SCGB1C1: variants seen among roughly 807,000 people sequenced by gnomAD.
SCGB1C1 encodes secretoglobin family 1C member 1, also known as ligand binding protein RYD5.
A neutral mutation model predicts 8.9 loss-of-function variants in SCGB1C1; 2 were observed. The ratio of observed to expected loss-of-function variants is 0.23; its 90% confidence interval spans 0.09 to 0.71. The LOEUF is 0.71. SCGB1C1 is among the 30% of genes least tolerant of loss of function. The pLI, the probability that SCGB1C1 is intolerant of heterozygous loss-of-function variation, is 0.78. For synonymous variants in SCGB1C1, 6 were observed against 45.8 expected (o/e 0.13, Z 3.51); for missense variants, 25 against 112.7 (o/e 0.22, Z 3.52).
chr11:189,618 T>C (rs1854747552), upstream of SCGB1C1, among the ~76,000 whole-genome samples: 2 of 151,922 alleles, frequency 1.3e-5, no homozygotes, highest in African/African-American at 4.8e-5. Flanking sequence ...GGGTGGAGCG[T>C]TGTAGGCGCA....
At chr11:194,389 C>G (rs199982569) in intron 2 of SCGB1C1, 29 bp from the exon 3 acceptor site, 1 of 749,836 alleles carries the variant, frequency 1.3e-6, no homozygotes, top group Non-Finnish European at 2.3e-6. Context: ...GAGCACAGCC[C>G]TCTTAGTCCA....
Position 194,499 on chromosome 11 carries a change from G to A in SCGB1C1, c.*49G>A, listed in dbSNP as rs531983712. 97 of 604,362 alleles carry A rather than the reference G, an allele frequency of 1.6e-4. No individual in the cohort carries two copies. The highest frequency in any genetic ancestry group is 3.9e-4 in the East Asian group (14 of 35,810). 37.4% of individuals were successfully genotyped at this position (604,362 alleles called of 1,614,324 possible). On this transcript the variant is annotated 3_prime_UTR_variant, in exon 3 of 3. Transcript: ENST00000342878. ...CATAGGACCTGCCACACAAGCAGCC[G>A]TGGACACAACGCCCACTACCACCTC...
chr11:191,876 CCTAA>C (rs1854818462), upstream of SCGB1C1, among the ~76,000 whole-genome samples: 1 of 23,816 alleles, frequency 4.2e-5, no homozygotes, highest in Non-Finnish European at 8.3e-5. Context: ...TAACCCTAAC[CCTAA>C]CCCTAACCCC....
upstream of SCGB1C1, among the ~76,000 whole-genome samples, chr11:191,927 G>A (rs1172728895): frequency 1.3e-5 from 2 of 151,644 alleles, no homozygotes; most frequent in Non-Finnish European, 2.9e-5. Flanking sequence ...TGACCCTACT[G>A]TATCCCTGAC....
At chr11:191,675 G>A (rs1488719661), upstream of SCGB1C1, among the ~76,000 whole-genome samples, 3 of 152,028 alleles carry the variant, frequency 2.0e-5, no homozygotes, top group African/African-American at 4.8e-5. Context: ...AGATAGCACA[G>A]CTGGTCTATA....
At chr11:190,841 C>T (rs7934100), upstream of SCGB1C1, among the ~76,000 whole-genome samples, 6,069 of 147,586 alleles carry the variant, frequency 0.041, no homozygotes, top group African/African-American at 0.15. Context: ...CTTATGGTGC[C>T]AGGTTTCTCT....
upstream of SCGB1C1, among the ~76,000 whole-genome samples, chr11:191,834 T>C (rs1446403500): frequency 7.0e-5 from 3 of 42,782 alleles, no homozygotes; most frequent in South Asian, 1.7e-3. Context: ...CCCCTAACCC[T>C]AACCCTAACC....
Position 193,800 on chromosome 11 carries a change from G to C in SCGB1C1, c.144G>C (p.Gly48=). 1 of 1,609,956 alleles carries C rather than the reference G, an allele frequency of 6.2e-7. No homozygotes were observed. The change falls in exon 2 of 3, where the codon GGG becomes GGC. Residue 48 remains glycine, a synonymous_variant. Coordinates refer to ENST00000342878, the MANE Select transcript of SCGB1C1 (RefSeq NM_145651.3). ...GGACCCCAGAGGAGCTCTATGAGGGGACCTTGGGCAAGTACAATGTCAACG... is the reference window on the plus strand; with the variant it reads ...GGACCCCAGAGGAGCTCTATGAGGGCACCTTGGGCAAGTACAATGTCAACG... ...LVGTPEELYE[G]TLGKYNVNED...
In SCGB1C1 at chr11:194,421, C is replaced by G. The variant is rs375042412; in HGVS notation, c.259C>G (p.Gln87Glu). 2.3e-6 allele frequency: 2 copies of G among 859,536 alleles called. No homozygotes were observed. Among genetic ancestry groups the G allele is most frequent in the East Asian group, 5.1e-5 (2 of 39,600 alleles). The allele number at this position is 859,536 out of a possible 1,614,324, so 53.2% of individuals were successfully genotyped here. Residue 87 changes from glutamine (Q) to glutamate (E), a missense_variant, in exon 3 of 3, where the codon CAA (glutamine) becomes GAA (glutamate). Physicochemically the swap from Gln to Glu is conservative, Grantham distance 29. Coordinates refer to ENST00000342878, the MANE Select transcript of SCGB1C1 (RefSeq NM_145651.3). ...TCCACATGTGTCTGCCTTCCAGGTG[C>G]AAGTGCTGGGCAGTCAGGACGGTGC... ...HKAELVKLLVQVLGSQDGA is the reference protein window; with the variant it reads ...HKAELVKLLVEVLGSQDGA
upstream of SCGB1C1, among the ~76,000 whole-genome samples, chr11:189,611 T>G (rs1442859672): frequency 5.3e-5 from 8 of 151,126 alleles, no homozygotes; most frequent in South Asian, 2.1e-4. Flanking sequence ...AGCGCGGGGG[T>G]GGAGCGTTGT....
At chr11:192,289 G>C (rs1199228727), upstream of SCGB1C1, among the ~76,000 whole-genome samples, 1 of 151,734 alleles carries the variant, frequency 6.6e-6, no homozygotes, top group Non-Finnish European at 1.5e-5. Context: ...GTGACTCCAG[G>C]TGTCCCAACC....
At chr11:192,103 T>C (rs552825842), upstream of SCGB1C1, among the ~76,000 whole-genome samples, 1 of 151,398 alleles carries the variant, frequency 6.6e-6, no homozygotes, top group East Asian at 1.9e-4. Context: ...AGTCGTTCAA[T>C]GTAACAAGGA....
chr11:190,083 A>G (rs1854767633), upstream of SCGB1C1, among the ~76,000 whole-genome samples: 2 of 116,098 alleles, frequency 1.7e-5, no homozygotes, highest in Non-Finnish European at 4.0e-5. Context: ...CAACCAGGGC[A>G]CTGCATGGTC....
upstream of SCGB1C1, among the ~76,000 whole-genome samples, chr11:188,480 G>C: frequency 6.6e-6 from 1 of 152,206 alleles, no homozygotes; most frequent in Non-Finnish European, 1.5e-5. Flanking sequence ...AAGTAGATAG[G>C]AAAATTATGT....
upstream of SCGB1C1, among the ~76,000 whole-genome samples, chr11:192,011 C>CTTA (rs1183447125): frequency 6.6e-6 from 1 of 152,266 alleles, no homozygotes; most frequent in Non-Finnish European, 1.5e-5. Flanking sequence ...TATCCCTAGC[C>CTTA]TTAGTGCCAT....
upstream of SCGB1C1, among the ~76,000 whole-genome samples, chr11:191,993 T>C (rs1346186241): frequency 2.6e-5 from 4 of 152,256 alleles, no homozygotes; most frequent in African/African-American, 9.6e-5. Context: ...ATAATCTTCA[T>C]CCCACCCTAT....
upstream of SCGB1C1, among the ~76,000 whole-genome samples, chr11:192,067 T>C (rs1419938134): frequency 1.3e-5 from 2 of 151,994 alleles, no homozygotes; most frequent in Admixed American, 6.5e-5. Context: ...TTGTTTCGAA[T>C]AGGTGGAAAT....
At chr11:189,542 CTGT>C (rs1854742517), upstream of SCGB1C1, among the ~76,000 whole-genome samples, 1 of 55,148 alleles carries the variant, frequency 1.8e-5, no homozygotes, top group Admixed American at 1.8e-4. Flanking sequence ...CGTCGTTAGG[CTGT>C]GGGTTTGGGG....
upstream of SCGB1C1, among the ~76,000 whole-genome samples, chr11:192,183 G>A (rs1854825796): frequency 6.7e-6 from 1 of 149,202 alleles, no homozygotes; most frequent in Non-Finnish European, 1.5e-5. Flanking sequence ...CCACTAGGTG[G>A]CAGCAGGGGC....
Sources: allele counts gnomAD v4.1 joint callset (sites outside exome capture counted in the v4.1 genomes callset), GRCh38; gene constraint gnomAD v4.1.1; transcripts MANE v1.5; gene names NCBI Gene and HGNC (gene_info 2026-07-23, HGNC 2026-07-21).